SPATA6: variants seen among roughly 807,000 people sequenced by gnomAD.
SPATA6 encodes spermatogenesis-associated protein 6.
In SPATA6, 56 loss-of-function variants were observed where a neutral mutation model predicts 65.3. The ratio of observed to expected loss-of-function variants is 0.86; its 90% CI spans 0.69 to 1.07. The LOEUF (loss-of-function observed/expected upper bound fraction) is 1.07. SPATA6 is among the 50% of genes least tolerant of loss of function. The pLI, the probability that SPATA6 is intolerant of heterozygous loss-of-function variation, is 0.00. For missense variants in SPATA6, 590 were observed against 594.8 expected, an observed-to-expected ratio of 0.99 and a Z score of 0.08; for synonymous variants, 199 against 213.2, an observed-to-expected ratio of 0.93 and a Z score of 0.58.
chr1:48,362,777 T>C (rs577293158), intron 9 of SPATA6, among the ~76,000 whole-genome samples: 59 of 152,024 alleles, frequency 3.9e-4, no homozygotes, highest in African/African-American at 1.3e-3. Context: ...CCATTCAGAA[T>C]AGGAAAAAGG....
At chr1:48,437,115 G>A in intron 3 of SPATA6, 2 of 1,598,372 alleles carry the variant, frequency 1.3e-6, no homozygotes, top group African/African-American at 1.3e-5. Context: ...TACTTTCACG[G>A]TTGCCTCCTG....
chr1:48,299,206 G>C (rs1249839427), intron 12 of SPATA6, among the ~76,000 whole-genome samples: 1 of 151,886 alleles, frequency 6.6e-6, no homozygotes, highest in South Asian at 2.1e-4. Flanking sequence ...ATACTGGCCT[G>C]GTATGGCCAG....
intron 11 of SPATA6, among the ~76,000 whole-genome samples, chr1:48,317,895 G>T (rs1483320034): frequency 1.3e-5 from 2 of 152,012 alleles, no homozygotes; most frequent in Non-Finnish European, 2.9e-5. Flanking sequence ...GAATACAGAT[G>T]CAAAATTTCT....
In SPATA6 at chr1:48,406,337, A is replaced by G. The variant is rs147826380; in HGVS notation, c.406-2455T>C. On this transcript the variant is annotated intron_variant, in intron 5 of 12. Coordinates refer to ENST00000371847, the MANE Select transcript of SPATA6 (RefSeq NM_019073.4). ...CCACTCAAATTGCCAAAGTAATCTC[A>G]AAGTTATCTCCTTTATTTAAAGTCA... Among the ~76,000 whole-genome samples the G allele has an allele frequency of 7.0e-3, 1,062 of 152,254 alleles. 14 individuals are homozygous for G. The highest frequency in any genetic ancestry group is 0.025 in the African/African-American group (1,019 of 41,500).
intron 11 of SPATA6, among the ~76,000 whole-genome samples, chr1:48,331,385 C>A: frequency 6.7e-6 from 1 of 149,974 alleles, no homozygotes. Context: ...TATAACCAAC[C>A]TGAAACAGCA....
At chr1:48,402,447 A>G (rs112644553) in intron 6 of SPATA6, among the ~76,000 whole-genome samples, 5,108 of 152,240 alleles carry the variant, frequency 0.034, 93 homozygotes, top group South Asian at 0.06. Context: ...CAATGTGCAC[A>G]GTGCACATCT....
At chr1:48,449,603 T>C (rs1053474262) in intron 3 of SPATA6, among the ~76,000 whole-genome samples, 4 of 152,054 alleles carry the variant, frequency 2.6e-5, no homozygotes, top group African/African-American at 9.7e-5. Flanking sequence ...ACAAAAAAGG[T>C]AGGACACTAC....
intron 5 of SPATA6, among the ~76,000 whole-genome samples, chr1:48,406,750 G>T (rs999699377): frequency 6.6e-6 from 1 of 152,158 alleles, no homozygotes; most frequent in Non-Finnish European, 1.5e-5. Context: ...TTACTTGCCA[G>T]ACACTGCTAT....
At position 48,368,007 on chromosome 1, in the gene SPATA6, T is replaced by C. The variant is rs754965812; in HGVS notation, c.910-8237A>G. Among the ~76,000 whole-genome samples, 86 of 152,234 alleles carry C rather than the reference T, an allele frequency of 5.6e-4. 1 individual carries two copies. Among genetic ancestry groups the C allele is most frequent in the Non-Finnish European group, 1.1e-3 (77 of 68,046 alleles). ...GCAGGCGTGGTGGTGACAAAATCTCTCAGCATTTGCTTGTCTGTATAGTAT... is the reference window on the plus strand; with the variant it reads ...GCAGGCGTGGTGGTGACAAAATCTCCCAGCATTTGCTTGTCTGTATAGTAT... On this transcript the variant is annotated intron_variant, in intron 9 of 12. Transcript: ENST00000371847.
chr1:48,452,925 C>G (rs1656702655), intron 2 of SPATA6, 69 bp downstream of exon 2: 3 of 1,539,800 alleles, frequency 1.9e-6, no homozygotes, highest in African/African-American at 2.8e-5. Flanking sequence ...GTGTTATAGG[C>G]TTTTATTCAA....
chr1:48,443,111 C>A (rs889276348), intron 3 of SPATA6, among the ~76,000 whole-genome samples: 1 of 152,218 alleles, frequency 6.6e-6, no homozygotes, highest in Non-Finnish European at 1.5e-5. Context: ...TCTGCTCCAA[C>A]GTGCCACTTG....
intron 11 of SPATA6, among the ~76,000 whole-genome samples, chr1:48,342,632 GAATA>G (rs1646252806): frequency 6.9e-6 from 1 of 145,574 alleles, no homozygotes; most frequent in South Asian, 2.2e-4. Context: ...AAAAAAAAAA[GAATA>G]AATATGACTC....
At chr1:48,286,765 G>C in the SPATA6 span, among the ~76,000 whole-genome samples, 24 of 152,264 alleles carry the variant, frequency 1.6e-4, no homozygotes, top group Admixed American at 3.3e-4. Context: ...GCCAGGCACA[G>C]TGGCTCACAT....
intron 9 of SPATA6, among the ~76,000 whole-genome samples, chr1:48,366,717 T>C (rs1011971831): frequency 6.6e-6 from 1 of 152,200 alleles, no homozygotes; most frequent in Non-Finnish European, 1.5e-5. Flanking sequence ...TAGCGGTCTA[T>C]CAATTTTGTT....
At chr1:48,355,633 T>G (rs1646636579) in intron 11 of SPATA6, 37 bp downstream of exon 11, 1 of 1,482,606 alleles carries the variant, frequency 6.7e-7, no homozygotes, top group African/African-American at 1.4e-5. Flanking sequence ...CTTGACCTAT[T>G]ATAAATAGTC....
At chr1:48,379,762 CTTTA>C (rs768815276) in intron 9 of SPATA6, among the ~76,000 whole-genome samples, 4 of 144,712 alleles carry the variant, frequency 2.8e-5, no homozygotes, top group African/African-American at 5.6e-5. Context: ...ACTTTCTCTT[CTTTA>C]TTTATTTATC....
chr1:48,376,829 C>A (rs986063037), intron 9 of SPATA6, among the ~76,000 whole-genome samples: 1 of 152,116 alleles, frequency 6.6e-6, no homozygotes, highest in Admixed American at 6.5e-5. Flanking sequence ...CAAACCTGTA[C>A]AACTTGTTAC....
chr1:48,363,877 T>C (rs560138029), intron 9 of SPATA6, among the ~76,000 whole-genome samples: 1 of 152,196 alleles, frequency 6.6e-6, no homozygotes, highest in Non-Finnish European at 1.5e-5. Context: ...TGTATACATG[T>C]GCCATGCTGG....
chr1:48,456,057 C>T (rs138393004), intron 1 of SPATA6, among the ~76,000 whole-genome samples: 4 of 152,178 alleles, frequency 2.6e-5, no homozygotes, highest in African/African-American at 4.8e-5. Flanking sequence ...GTTCATGTGC[C>T]GAGAAATGAC....
Sources: gnomAD v4.1 joint callset for allele counts (sites outside exome capture counted in the v4.1 genomes callset) on GRCh38, gnomAD v4.1.1 for gene constraint, MANE v1.5 for transcripts, NCBI Gene and HGNC (gene_info 2026-07-23, HGNC 2026-07-21) for gene names.